Variants in ABCA4 observed in about 807,000 individuals in gnomAD.
The protein encoded by ABCA4 is ATP binding cassette subfamily A member 4, also known as retinal-specific phospholipid-transporting ATPase ABCA4.
In ABCA4, 196 loss-of-function variants were observed where a neutral mutation model predicts 263.7. That is an observed-to-expected ratio of 0.74 (90% CI 0.66 to 0.84). ABCA4 has a LOEUF of 0.84. ABCA4 is among the 40% of genes least tolerant of loss of function. ABCA4 has a pLI of 0.00. For synonymous variants in ABCA4, 1,133 were observed against 1,094.2 expected, an observed-to-expected ratio of 1.04 and a Z score of -0.70; for missense variants, 2,792 against 2,855.1, an observed-to-expected ratio of 0.98 and a Z score of 0.50.
At chr1:94,095,249 G>C (rs1031204561) in intron 6 of ABCA4, among the ~76,000 whole-genome samples, 1 of 151,902 alleles carries the variant, frequency 6.6e-6, no homozygotes. Context: ...GGAACCGAGA[G>C]AAAACACAGC....
chr1:94,118,033 G>T (rs3827714), intron 1 of ABCA4, among the ~76,000 whole-genome samples: 1 of 151,956 alleles, frequency 6.6e-6, no homozygotes, highest in East Asian at 1.9e-4. Flanking sequence ...GATAGATCTC[G>T]ATCCACGGGG....
chr1:94,004,373 C>T (rs1405111036), intron 44 of ABCA4, among the ~76,000 whole-genome samples: 1 of 152,152 alleles, frequency 6.6e-6, no homozygotes, highest in Admixed American at 6.5e-5. Context: ...AACATCAAAA[C>T]ATTTATTAAT....
chr1:94,035,468 T>A (rs1660311851), intron 26 of ABCA4, among the ~76,000 whole-genome samples: 1 of 152,180 alleles, frequency 6.6e-6, no homozygotes, highest in South Asian at 2.1e-4. Context: ...CTGAAGCATA[T>A]CTGGGCTGGT....
chr1:94,078,498 T>G, intron 10 of ABCA4, 92 bp downstream of exon 10: 1 of 1,035,242 alleles, frequency 9.7e-7, no homozygotes, highest in African/African-American at 1.6e-5. Context: ...CAATAGCGAT[T>G]AACTCTTTCC....
At chr1:94,093,931 C>A (rs1662045952) in intron 6 of ABCA4, among the ~76,000 whole-genome samples, 1 of 152,146 alleles carries the variant, frequency 6.6e-6, no homozygotes, top group Non-Finnish European at 1.5e-5. Context: ...ATAAAACCCC[C>A]CAAAAACAAC....
chr1:94,055,459 G>A, intron 15 of ABCA4, 144 bp from the exon 16 acceptor site: 1 of 752,148 alleles, frequency 1.3e-6, no homozygotes, highest in Non-Finnish European at 2.2e-6. Flanking sequence ...GAGGGTGAAG[G>A]CAGTCTTTCC....
intron 31 of ABCA4, among the ~76,000 whole-genome samples, chr1:94,024,190 C>G (rs1659975583): frequency 6.6e-6 from 1 of 152,170 alleles, no homozygotes; most frequent in African/African-American, 2.4e-5. Flanking sequence ...GAAAGTCCTA[C>G]TAAAGTTAGA....
At chr1:94,067,181 G>A (rs1464238562) in intron 11 of ABCA4, among the ~76,000 whole-genome samples, 3 of 152,032 alleles carry the variant, frequency 2.0e-5, no homozygotes, top group Non-Finnish European at 4.4e-5. Flanking sequence ...TTAATAAAAC[G>A]TGAATTTTTG....
At chr1:94,068,912 C>T (rs148409203) in intron 11 of ABCA4, among the ~76,000 whole-genome samples, 4 of 152,332 alleles carry the variant, frequency 2.6e-5, no homozygotes, top group African/African-American at 9.6e-5. Context: ...ATTGTAATGC[C>T]CTATGACAGC....
intron 49 of ABCA4, among the ~76,000 whole-genome samples, chr1:93,995,289 C>A (rs1243286315): frequency 3.3e-5 from 5 of 152,164 alleles, no homozygotes; most frequent in Non-Finnish European, 5.9e-5. Context: ...AGAAACTGGG[C>A]AGAATAAAAA....
intron 11 of ABCA4, among the ~76,000 whole-genome samples, chr1:94,074,940 G>C (rs1409480411): frequency 6.6e-6 from 1 of 152,152 alleles, no homozygotes; most frequent in East Asian, 1.9e-4. Flanking sequence ...GGCTGGATAA[G>C]GAAAATATGG....
At chr1:94,103,252 T>A in intron 4 of ABCA4, 110 bp from the exon 5 acceptor site, 1 of 1,432,474 alleles carries the variant, frequency 7.0e-7, no homozygotes, top group Non-Finnish European at 9.7e-7. Flanking sequence ...CAGAGGAAGG[T>A]TCTGTTCTTG....
At chr1:94,052,386 C>T (rs750401349) in intron 16 of ABCA4, among the ~76,000 whole-genome samples, 10 of 152,156 alleles carry the variant, frequency 6.6e-5, no homozygotes, top group African/African-American at 1.4e-4. Context: ...ATCATGGTCT[C>T]GGCTTTTTTT....
At position 94,036,876 on chromosome 1, in the gene ABCA4, C is replaced by A. The variant is rs373940025; in HGVS notation, c.3814-88G>T. The stretch of plus-strand genomic sequence containing the variant: ...CCAAGCTCTGTTTTGTTGGGTATTG[C>A]TTCATAATGGGAAGAAAATCCATTA... On this transcript the variant is annotated intron_variant, in intron 25 of 49. Transcript: ENST00000370225. The A allele has an allele frequency of 1.5e-5, 19 of 1,308,608 alleles. 1 individual carries two copies. In the South Asian group the frequency reaches 2.1e-4, roughly 15 times the overall value. 81.1% of individuals were successfully genotyped at this position (1,308,608 alleles called of 1,614,324 possible).
At chr1:94,057,356 G>A (rs1348003198) in intron 14 of ABCA4, among the ~76,000 whole-genome samples, 1 of 152,206 alleles carries the variant, frequency 6.6e-6, no homozygotes, top group Non-Finnish European at 1.5e-5. Flanking sequence ...TCCTCGGTGA[G>A]AAGAGTGGTA....
At chr1:94,033,693 G>T (rs1660269023) in intron 26 of ABCA4, among the ~76,000 whole-genome samples, 1 of 152,108 alleles carries the variant, frequency 6.6e-6, no homozygotes, top group South Asian at 2.1e-4. Flanking sequence ...AATTGGATCA[G>T]CTCAGTCATC....
intron 36 of ABCA4, among the ~76,000 whole-genome samples, chr1:94,019,134 C>G (rs1183707060): frequency 6.8e-6 from 1 of 146,456 alleles, no homozygotes; most frequent in East Asian, 2.0e-4. Context: ...AACTGGGTGT[C>G]CTGTATTTAT....
At chr1:94,023,089 A>G (rs1191799722) in intron 32 of ABCA4, among the ~76,000 whole-genome samples, 1 of 152,168 alleles carries the variant, frequency 6.6e-6, no homozygotes, top group Non-Finnish European at 1.5e-5. Flanking sequence ...TTGTTGGAGT[A>G]TTATAAACTG....
intron 3 of ABCA4, among the ~76,000 whole-genome samples, chr1:94,109,244 C>T (rs1307887176): frequency 2.0e-5 from 3 of 152,208 alleles, no homozygotes; most frequent in East Asian, 1.9e-4. Flanking sequence ...AGGGTCTGCT[C>T]GCCTCTCGGT....
Sources: gnomAD v4.1 joint callset for allele counts (sites outside exome capture counted in the v4.1 genomes callset) on GRCh38, gnomAD v4.1.1 for gene constraint, MANE v1.5 for transcripts, NCBI Gene and HGNC (gene_info 2026-07-23, HGNC 2026-07-21) for gene names.